Variants in EFCAB6 observed in about 807,000 individuals in gnomAD.
EFCAB6 encodes EF-hand calcium-binding domain-containing protein 6.
In EFCAB6, 156 loss-of-function variants were observed where a neutral mutation model predicts 169.8. That is an observed-to-expected ratio of 0.92 (90% confidence interval 0.81 to 1.05). The LOEUF is 1.05. EFCAB6 is among the 50% of genes least tolerant of loss of function. EFCAB6 has a pLI of 0.00. For missense variants in EFCAB6, 1,800 were observed against 1,829.1 expected (o/e 0.98, Z 0.29); for synonymous variants, 698 against 676.4 (o/e 1.03, Z -0.50).
intron 30 of EFCAB6, among the ~76,000 whole-genome samples, chr22:43,534,384 C>T (rs1292570320): frequency 6.6e-6 from 1 of 152,194 alleles, no homozygotes; most frequent in African/African-American, 2.4e-5. Context: ...TCAATTGAAC[C>T]TCTTTCTTTT....
At chr22:43,588,923 G>A (rs375564364) in intron 24 of EFCAB6, among the ~76,000 whole-genome samples, 9 of 152,226 alleles carry the variant, frequency 5.9e-5, no homozygotes, top group Admixed American at 6.5e-5. Context: ...CAAAACTGAC[G>A]CAGCAATACG....
intron 2 of EFCAB6, 26 bp from the exon 3 acceptor site, chr22:43,782,351 C>T (rs191681201): frequency 1.2e-5 from 19 of 1,605,598 alleles, no homozygotes; most frequent in African/African-American, 4.0e-5. Flanking sequence ...AAACAGATTA[C>T]GTTACCTTAA....
chr22:43,807,684 G>T (rs780490493), intron 2 of EFCAB6, among the ~76,000 whole-genome samples: 1 of 152,202 alleles, frequency 6.6e-6, no homozygotes, highest in Non-Finnish European at 1.5e-5. Flanking sequence ...ATGGAGAGGG[G>T]TGTGGAAATT....
At chr22:43,576,582 T>A (rs2147259468) in intron 25 of EFCAB6, 94 bp from the exon 26 acceptor site, 5 of 1,068,372 alleles carry the variant, frequency 4.7e-6, no homozygotes, top group Non-Finnish European at 6.4e-6. Flanking sequence ...TGAATGCAAA[T>A]GAAGCCTAGT....
At chr22:43,762,771 G>C (rs1214172634) in intron 5 of EFCAB6, among the ~76,000 whole-genome samples, 1 of 152,142 alleles carries the variant, frequency 6.6e-6, no homozygotes, top group Non-Finnish European at 1.5e-5. Flanking sequence ...GGAAAAAAAG[G>C]CTCTCCTGCT....
intron 10 of EFCAB6, among the ~76,000 whole-genome samples, chr22:43,710,976 G>C (rs553989546): frequency 6.6e-6 from 1 of 152,272 alleles, no homozygotes; most frequent in South Asian, 2.1e-4. Flanking sequence ...AAATGGAGAG[G>C]AGGGCTACAG....
intron 17 of EFCAB6, among the ~76,000 whole-genome samples, chr22:43,661,849 C>T (rs1247611950): frequency 2.6e-5 from 4 of 152,018 alleles, no homozygotes; most frequent in African/African-American, 7.2e-5. Context: ...CTGGGCGTGG[C>T]GGCATGCCTG....
Position 43,537,162 on chromosome 22 carries a change from A to G in EFCAB6, c.4048+215T>C. On this transcript the variant is annotated intron_variant, in intron 29 of 31. Coordinates refer to ENST00000262726, the MANE Select transcript of EFCAB6 (RefSeq NM_022785.4). The surrounding 1 kb of genome is among the most constrained non-coding windows in gnomAD (Gnocchi z 4.3). ...TAGTGCAGCGCTGACTTTACCATGC[A>G]GATGGGCCCCCTGCTGGGAGGGCCG... The G allele has an allele frequency of 1.9e-6, 1 of 518,644 alleles. No homozygotes were observed. 32.1% of individuals were successfully genotyped at this position (518,644 alleles called of 1,614,324 possible). A position where few individuals can be genotyped will look rare whatever the true frequency, so the allele number is the denominator to read the frequency against.
chr22:43,641,672 A>C (rs1174034267), intron 17 of EFCAB6, among the ~76,000 whole-genome samples: 1 of 151,336 alleles, frequency 6.6e-6, no homozygotes, highest in Non-Finnish European at 1.5e-5. Context: ...CTTGTGAGAC[A>C]CACAAAAGGA....
At chr22:43,540,476 G>A (rs774446893) in intron 27 of EFCAB6, 119 bp from the exon 28 acceptor site, 41 of 1,556,230 alleles carry the variant, frequency 2.6e-5, no homozygotes, top group Non-Finnish European at 4.3e-6. Context: ...CACGTGACTG[G>A]TGAAGAAGAA....
intron 16 of EFCAB6, among the ~76,000 whole-genome samples, chr22:43,668,213 G>C (rs908151149): frequency 6.6e-6 from 1 of 152,108 alleles, no homozygotes; most frequent in Admixed American, 6.6e-5. Flanking sequence ...TTTTAAAAGG[G>C]CTATGACAAA....
chr22:43,807,338 A>C (rs2062957266), intron 2 of EFCAB6, among the ~76,000 whole-genome samples: 1 of 152,240 alleles, frequency 6.6e-6, no homozygotes, highest in African/African-American at 2.4e-5. Flanking sequence ...TGAGACATTA[A>C]TGAATGTGAT....
chr22:43,722,655 C>T (rs972674461), intron 8 of EFCAB6, among the ~76,000 whole-genome samples: 1 of 152,054 alleles, frequency 6.6e-6, no homozygotes, highest in Non-Finnish European at 1.5e-5. Context: ...GGAGATTTCT[C>T]AAAGAATTTA....
At chr22:43,565,653 G>A (rs978133056) in intron 26 of EFCAB6, among the ~76,000 whole-genome samples, 2 of 152,032 alleles carry the variant, frequency 1.3e-5, no homozygotes, top group African/African-American at 4.8e-5. Flanking sequence ...ATGTAATTAT[G>A]AAGTTTATAA....
Position 43,537,594 on chromosome 22 carries a change from G to A in EFCAB6, c.3880-49C>T. 6.4e-7 allele frequency: 1 copy of A among 1,559,010 alleles called. No homozygotes were observed. Among genetic ancestry groups the A allele is most frequent in the Non-Finnish European group, 8.7e-7 (1 of 1,149,594 alleles). On this transcript the variant is annotated intron_variant, in intron 28 of 31. Transcript: ENST00000262726. This position sits in a 1 kb window ranked among gnomAD's most constrained non-coding sequence, Gnocchi z 4.3. ...CTCTTTTCACTTAAGATTTAAAACG[G>A]AAGTCATCAAAAATACCTCAATACC...
intron 6 of EFCAB6, among the ~76,000 whole-genome samples, chr22:43,751,096 C>G (rs1475813030): frequency 6.6e-6 from 1 of 152,222 alleles, no homozygotes; most frequent in East Asian, 1.9e-4. Context: ...TGACACGGTA[C>G]AAGAGCAAAC....
chr22:43,769,730 C>T (rs536562654), intron 4 of EFCAB6, among the ~76,000 whole-genome samples: 77 of 152,062 alleles, frequency 5.1e-4, no homozygotes, highest in Middle Eastern at 3.4e-3. Context: ...CATCAAAGCC[C>T]AGAGGAGGAT....
chr22:43,737,809 A>G (rs887080823), intron 6 of EFCAB6, among the ~76,000 whole-genome samples: 1 of 148,914 alleles, frequency 6.7e-6, no homozygotes, highest in African/African-American at 2.4e-5. Context: ...CTGTGCATAT[A>G]CTCACACACA....
chr22:43,644,493 TTC>T (rs541113617), intron 17 of EFCAB6, among the ~76,000 whole-genome samples: 4 of 152,226 alleles, frequency 2.6e-5, no homozygotes, highest in Non-Finnish European at 5.9e-5. Context: ...AGGCTAAATC[TTC>T]TCTCTGATCC....
Sources: gnomAD v4.1 joint callset for allele counts (sites outside exome capture counted in the v4.1 genomes callset) on GRCh38, gnomAD v4.1.1 for gene constraint, Gnocchi (gnomAD v3.1) non-coding constraint, MANE v1.5 for transcripts, NCBI Gene and HGNC (gene_info 2026-07-23, HGNC 2026-07-21) for gene names.